Variants in EEF1AKMT1 observed in about 807,000 individuals in gnomAD.
EEF1AKMT1 encodes the protein N-6 adenine-specific DNA methyltransferase 2 (putative).
A neutral mutation model predicts 21.0 loss-of-function variants in EEF1AKMT1; 18 were observed. The observed-to-expected ratio is 0.86, with a 90% confidence interval of 0.59 to 1.27. The LOEUF is 1.27. Ranked by LOEUF, EEF1AKMT1 falls within the 50% of genes most tolerant of loss-of-function variation. The probability of loss-of-function intolerance (pLI) is 0.00; values close to 1 mark genes in which losing one functional copy is unlikely to be tolerated. For missense variants in EEF1AKMT1, 246 were observed against 258.6 expected (o/e 0.95, Z 0.33); for synonymous variants, 109 against 94.8 (o/e 1.15, Z -0.87).
At position 20,746,726 on chromosome 13, in the gene EEF1AKMT1, C is replaced by T. The variant is rs959376256; in HGVS notation, c.145-8921G>A. ...ATATCATTCCATAAAGATAAAGAGT[C>T]CCACTCCATTTTTTAAGATATCTGA... On this transcript the variant is annotated intron_variant, in intron 2 of 4. Transcript: ENST00000382758. Among the ~76,000 whole-genome samples the T allele has an allele frequency of 2.6e-5, 4 of 152,130 alleles. No homozygotes were observed. In the South Asian group the frequency reaches 8.3e-4, roughly 32 times the overall value.
At chr13:20,761,565 G>A (rs1009339318) in intron 1 of EEF1AKMT1, among the ~76,000 whole-genome samples, 2 of 152,116 alleles carry the variant, frequency 1.3e-5, no homozygotes, top group African/African-American at 4.8e-5. Flanking sequence ...CATTTCTCTG[G>A]ATAAATGCTC....
intron 3 of EEF1AKMT1, among the ~76,000 whole-genome samples, chr13:20,734,141 T>C (rs2058813341): frequency 6.6e-6 from 1 of 152,196 alleles, no homozygotes; most frequent in Admixed American, 6.5e-5. Flanking sequence ...CCAAAGATTA[T>C]ATATGCACAC....
rs576440826 is a variant in EEF1AKMT1 at position 20,771,490 on chromosome 13, C to T, written c.-20+2431G>A. Among the ~76,000 whole-genome samples, 4 of 152,150 alleles carry T rather than the reference C, an allele frequency of 2.6e-5. No individual in the cohort carries two copies. The South Asian group carries it at 8.3e-4, about 32-fold the overall frequency. ...GTTCTTGGTGATGAGTCTCAAAGTC[C>T]TTATTCTCTTGGAGCTTACATTCTA... On this transcript the variant is annotated intron_variant, in intron 1 of 4. Transcript: ENST00000382758.
At chr13:20,754,262 G>GTT (rs386378396) in intron 2 of EEF1AKMT1, among the ~76,000 whole-genome samples, 1,452 of 114,738 alleles carry the variant, frequency 0.013, 19 homozygotes, top group African/African-American at 0.037. Flanking sequence ...TTTGTTGGCA[G>GTT]TTTTTTTTTC....
At chr13:20,734,585 T>TTTATTTTA (rs2058816108) in intron 3 of EEF1AKMT1, among the ~76,000 whole-genome samples, 1 of 89,350 alleles carries the variant, frequency 1.1e-5, no homozygotes, top group Non-Finnish European at 2.2e-5. Context: ...TTATTATTTA[T>TTTATTTTA]TTATTTATTT....
chr13:20,750,452 T>G (rs1319591810), intron 2 of EEF1AKMT1, among the ~76,000 whole-genome samples: 1 of 152,214 alleles, frequency 6.6e-6, no homozygotes, highest in Non-Finnish European at 1.5e-5. Flanking sequence ...TATTTGTCTT[T>G]CTGTGCCTGG....
intron 2 of EEF1AKMT1, among the ~76,000 whole-genome samples, chr13:20,750,685 T>C (rs1030879555): frequency 6.6e-6 from 1 of 152,194 alleles, no homozygotes; most frequent in African/African-American, 2.4e-5. Flanking sequence ...TAATTTCTTT[T>C]CCTTTGAATA....
At chr13:20,768,352 A>G (rs906450923) in intron 1 of EEF1AKMT1, among the ~76,000 whole-genome samples, 1 of 152,200 alleles carries the variant, frequency 6.6e-6, no homozygotes, top group African/African-American at 2.4e-5. Flanking sequence ...ACACCCCACT[A>G]CGGAGGCAAA....
At chr13:20,767,305 C>CAAAAAA (rs61703956) in intron 1 of EEF1AKMT1, among the ~76,000 whole-genome samples, 17 of 40,356 alleles carry the variant, frequency 4.2e-4, no homozygotes, top group African/African-American at 1.3e-3. Context: ...GATTCTGTCT[C>CAAAAAA]AAAAAAAAAA....
chr13:20,770,091 A>C (rs1292124156), intron 1 of EEF1AKMT1, among the ~76,000 whole-genome samples: 1 of 152,222 alleles, frequency 6.6e-6, no homozygotes. Context: ...AATATAGGAA[A>C]ATGAAATAAA....
At position 20,747,351 on chromosome 13, in the gene EEF1AKMT1, G is replaced by A. The variant is rs116755249; in HGVS notation, c.145-9546C>T. On this transcript the variant is annotated intron_variant, in intron 2 of 4. Coordinates refer to ENST00000382758, the MANE Select transcript of EEF1AKMT1 (RefSeq NM_001318939.2). ...TGAAGATTCTTCTTTTGGTGGAAGA[G>A]AACGGATTTTGCCTTCACTTTCCTG... 180 of 235,376 alleles carry A rather than the reference G, an allele frequency of 7.6e-4. 1 individual carries two copies. The highest frequency in any genetic ancestry group is 3.9e-3 in the African/African-American group (172 of 43,690). 14.6% of individuals were successfully genotyped at this position (235,376 alleles called of 1,614,324 possible). A position where few individuals can be genotyped will look rare whatever the true frequency, so the allele number is the denominator to read the frequency against.
chr13:20,744,055 A>G (rs1027156632), intron 2 of EEF1AKMT1, among the ~76,000 whole-genome samples: 2 of 152,058 alleles, frequency 1.3e-5, no homozygotes, highest in African/African-American at 4.8e-5. Context: ...ATAGTATTCC[A>G]TGGTATATAT....
chr13:20,761,765 T>C (rs1405058786), intron 1 of EEF1AKMT1, among the ~76,000 whole-genome samples: 1 of 152,200 alleles, frequency 6.6e-6, no homozygotes, highest in Admixed American at 6.5e-5. Flanking sequence ...GAAATGCCTA[T>C]TGAAGTGAAA....
At chr13:20,747,143 G>T in intron 2 of EEF1AKMT1, 1 of 159,538 alleles carries the variant, frequency 6.3e-6, no homozygotes, top group South Asian at 1.8e-4. Flanking sequence ...GATGATCTCT[G>T]AACAACTTCT....
chr13:20,743,439 T>C (rs1410100074), intron 2 of EEF1AKMT1, among the ~76,000 whole-genome samples: 6 of 151,436 alleles, frequency 4.0e-5, no homozygotes, highest in Admixed American at 1.3e-4. Flanking sequence ...ATTATAAAGA[T>C]TGAATTTTTT....
intron 2 of EEF1AKMT1, among the ~76,000 whole-genome samples, chr13:20,746,022 T>C (rs1196587489): frequency 6.6e-6 from 1 of 152,202 alleles, no homozygotes; most frequent in Non-Finnish European, 1.5e-5. Flanking sequence ...GCTTCAAATA[T>C]TTCCCATCTG....
intron 1 of EEF1AKMT1, among the ~76,000 whole-genome samples, chr13:20,767,305 CAAAAAA>C (rs61703956): frequency 1.5e-4 from 6 of 40,358 alleles, no homozygotes; most frequent in East Asian, 1.4e-3. Flanking sequence ...GATTCTGTCT[CAAAAAA>C]AAAAAAAAAA....
chr13:20,745,995 TA>T (rs2058901984), intron 2 of EEF1AKMT1, among the ~76,000 whole-genome samples: 1 of 152,182 alleles, frequency 6.6e-6, no homozygotes, highest in South Asian at 2.1e-4. Context: ...TTACTGAATA[TA>T]ATGAAAAAGA....
intron 2 of EEF1AKMT1, among the ~76,000 whole-genome samples, chr13:20,748,712 G>GTTGGT (rs2058922240): frequency 1.7e-5 from 2 of 116,514 alleles, no homozygotes; most frequent in African/African-American, 6.3e-5. Context: ...CTAATGTATA[G>GTTGGT]TTGTTTTTTT....
Sources: allele counts gnomAD v4.1 joint callset (sites outside exome capture counted in the v4.1 genomes callset), GRCh38; gene constraint gnomAD v4.1.1; transcripts MANE v1.5; gene names NCBI Gene and HGNC (gene_info 2026-07-23, HGNC 2026-07-21).